CLSTN2: variants seen among roughly 807,000 people sequenced by gnomAD.
The protein encoded by CLSTN2 is calsyntenin 2, also known as calsyntenin-2.
CLSTN2 carries 48 observed loss-of-function variants against 101.2 expected under a neutral mutation model. That is an observed-to-expected ratio of 0.47 (90% confidence interval 0.38 to 0.60). The LOEUF is 0.60. Among genes scored for constraint, CLSTN2 ranks in the 20% least tolerant of loss-of-function variants. The pLI, the probability that CLSTN2 is intolerant of heterozygous loss-of-function variation, is 0.00. For missense variants in CLSTN2, 1,160 were observed against 1,238.2 expected, an observed-to-expected ratio of 0.94 and a Z score of 0.95; for synonymous variants, 481 against 463.6, an observed-to-expected ratio of 1.04 and a Z score of -0.48.
chr3:140,475,975 G>T (rs1933973785), intron 8 of CLSTN2, among the ~76,000 whole-genome samples: 1 of 152,166 alleles, frequency 6.6e-6, no homozygotes, highest in South Asian at 2.1e-4. Flanking sequence ...AATAATAAAT[G>T]AAGATACTCA....
At position 140,177,036 on chromosome 3, in the gene CLSTN2, A is replaced by G. The variant is rs144645719; in HGVS notation, c.232+963A>G. 9.2e-5 allele frequency among the ~76,000 whole-genome samples: 14 copies of G among 152,320 alleles called. No homozygotes were observed. In the East Asian group the frequency reaches 2.7e-3, roughly 29 times the overall value. On this transcript the variant is annotated intron_variant, in intron 2 of 16. Coordinates refer to ENST00000458420, the MANE Select transcript of CLSTN2 (RefSeq NM_022131.3). Reference sequence around the variant, plus strand: ...TTGTGAAGACATCTTTCATTATGGAATATTATAAAGCATGGAGCGAGAAGG... The same window carrying G: ...TTGTGAAGACATCTTTCATTATGGAGTATTATAAAGCATGGAGCGAGAAGG...
intron 5 of CLSTN2, among the ~76,000 whole-genome samples, chr3:140,430,993 CT>C (rs1374356576): frequency 6.6e-6 from 1 of 152,140 alleles, no homozygotes; most frequent in Non-Finnish European, 1.5e-5. Context: ...ATGTTATGAG[CT>C]TTATAAAAGG....
intron 1 of CLSTN2, among the ~76,000 whole-genome samples, chr3:139,964,928 A>G (rs936153129): frequency 6.6e-6 from 1 of 152,144 alleles, no homozygotes; most frequent in South Asian, 2.1e-4. Context: ...TTTGTCCTTC[A>G]GAGCAGTAAG....
chr3:140,402,402 T>C (rs910697685), intron 2 of CLSTN2, among the ~76,000 whole-genome samples: 15 of 152,246 alleles, frequency 9.9e-5, no homozygotes, highest in Non-Finnish European at 1.5e-4. Flanking sequence ...TCTGATTTTA[T>C]TTTTTAAAAA....
chr3:139,986,957 T>G (rs1024417801), intron 1 of CLSTN2, among the ~76,000 whole-genome samples: 1 of 152,172 alleles, frequency 6.6e-6, no homozygotes, highest in African/African-American at 2.4e-5. Context: ...TTAATCATCC[T>G]CAGTTACTGT....
At chr3:140,309,954 G>T (rs1276248772) in intron 2 of CLSTN2, among the ~76,000 whole-genome samples, 1 of 152,104 alleles carries the variant, frequency 6.6e-6, no homozygotes, top group African/African-American at 2.4e-5. Flanking sequence ...TCTCACCGTG[G>T]CGGCTTGTTC....
At chr3:140,458,071 G>A (rs1933449643) in intron 6 of CLSTN2, among the ~76,000 whole-genome samples, 1 of 152,156 alleles carries the variant, frequency 6.6e-6, no homozygotes, top group African/African-American at 2.4e-5. Flanking sequence ...CAGATGGAGG[G>A]AAAACTGGCT....
At chr3:140,044,371 A>G (rs2007824919) in intron 1 of CLSTN2, among the ~76,000 whole-genome samples, 1 of 152,184 alleles carries the variant, frequency 6.6e-6, no homozygotes, top group Non-Finnish European at 1.5e-5. Flanking sequence ...ATTTTTGCAC[A>G]TTGATTTTGT....
At chr3:140,309,814 C>T (rs1287766187) in intron 2 of CLSTN2, among the ~76,000 whole-genome samples, 1 of 152,100 alleles carries the variant, frequency 6.6e-6, no homozygotes, top group Non-Finnish European at 1.5e-5. Flanking sequence ...TGGTTTAGCA[C>T]TTGGCCCTGA....
chr3:140,454,568 A>T (rs1188749667), intron 6 of CLSTN2: 1 of 152,232 alleles, frequency 6.6e-6, no homozygotes, highest in Non-Finnish European at 1.5e-5. Flanking sequence ...ATAGATTATC[A>T]GTCGGGGTAA....
intron 2 of CLSTN2, among the ~76,000 whole-genome samples, chr3:140,259,004 C>T (rs964139540): frequency 3.3e-5 from 5 of 152,128 alleles, no homozygotes; most frequent in African/African-American, 1.2e-4. Context: ...AATACATGGA[C>T]ATATTTTTGG....
At chr3:140,115,364 A>G (rs547961577) in intron 1 of CLSTN2, among the ~76,000 whole-genome samples, 46 of 152,252 alleles carry the variant, frequency 3.0e-4, no homozygotes, top group African/African-American at 1.1e-3. Context: ...AAATCGTGAA[A>G]TACAAGACAG....
intron 2 of CLSTN2, among the ~76,000 whole-genome samples, chr3:140,385,455 T>G (rs12494862): frequency 0.45 from 66,112 of 145,746 alleles, 16,170 homozygotes; most frequent in South Asian, 0.62. Flanking sequence ...TGTAAACTCC[T>G]CCTCCCGGGT....
intron 1 of CLSTN2, among the ~76,000 whole-genome samples, chr3:139,952,381 A>G (rs1443314558): frequency 4.6e-5 from 7 of 152,202 alleles, no homozygotes; most frequent in Non-Finnish European, 1.0e-4. Context: ...AGAGCTTGGG[A>G]GAGAGAGGAG....
intron 1 of CLSTN2, among the ~76,000 whole-genome samples, chr3:140,074,143 T>C (rs972289570): frequency 4.6e-5 from 7 of 152,338 alleles, no homozygotes; most frequent in South Asian, 2.1e-4. Context: ...GCTTTTTTTT[T>C]CCCACCTGCC....
At chr3:140,272,783 T>C (rs2086755068) in intron 2 of CLSTN2, among the ~76,000 whole-genome samples, 1 of 152,084 alleles carries the variant, frequency 6.6e-6, no homozygotes, top group African/African-American at 2.4e-5. Context: ...TTAGAATGAC[T>C]ATTTAAACTT....
chr3:140,566,111 C>G lies in CLSTN2; in HGVS notation c.2726C>G (p.Ala909Gly). The stretch of plus-strand genomic sequence containing the variant: ...ACTGAGGGAGAAGAGGAGGAAGAAG[C>G]CGAGGAAGAAATGAGCTCCAGCAGT... ...DETEGEEEEE[A>G]EEEMSSSSGS... Residue 909 changes from alanine (A) to glycine (G), a missense_variant, in exon 17 of 17, where the codon GCC (alanine) becomes GGC (glycine). Ala to Gly is a moderately conservative substitution (Grantham distance 60, BLOSUM62 0). Transcript: ENST00000458420. 6.2e-7 allele frequency: 1 copy of G among 1,611,178 alleles called. No individual in the cohort carries two copies. Among genetic ancestry groups the G allele is most frequent in the Non-Finnish European group, 8.5e-7 (1 of 1,177,480 alleles).
chr3:140,222,874 G>GA (rs3035937), intron 2 of CLSTN2, among the ~76,000 whole-genome samples: 1,846 of 143,152 alleles, frequency 0.013, 24 homozygotes, highest in East Asian at 0.027. Flanking sequence ...AAAATTTTAA[G>GA]AAAAAAAAAA....
chr3:140,401,739 T>G (rs544281208), intron 2 of CLSTN2, among the ~76,000 whole-genome samples: 1 of 152,340 alleles, frequency 6.6e-6, no homozygotes, highest in South Asian at 2.1e-4. Context: ...GTTGATAATA[T>G]TGTCATATTG....
Sources: gnomAD v4.1 joint callset for allele counts (sites outside exome capture counted in the v4.1 genomes callset) on GRCh38, gnomAD v4.1.1 for gene constraint, MANE v1.5 for transcripts, NCBI Gene and HGNC (gene_info 2026-07-23, HGNC 2026-07-21) for gene names.